DLGAP2: variants seen among roughly 807,000 people sequenced by gnomAD.
DLGAP2 encodes disks large-associated protein 2.
A neutral mutation model predicts 100.3 loss-of-function variants in DLGAP2; 26 were observed. The ratio of observed to expected loss-of-function variants is 0.26; its 90% CI spans 0.19 to 0.36. The LOEUF (loss-of-function observed/expected upper bound fraction) is 0.36, where lower values mean the gene tolerates loss of function less well. Among genes scored for constraint, DLGAP2 ranks in the 10% least tolerant of loss-of-function variants. The pLI is 1.00. For synonymous variants in DLGAP2, 886 were observed against 630.1 expected (o/e 1.41, Z -6.08); for missense variants, 1,858 against 1,453.2 (o/e 1.28, Z -4.53).
At chr8:918,121 T>G (rs2129000878) in intron 2 of DLGAP2, among the ~76,000 whole-genome samples, 1 of 152,250 alleles carries the variant, frequency 6.6e-6, no homozygotes, top group Admixed American at 6.5e-5. Context: ...TTTTGTGCCT[T>G]CCCCAGCTCT....
At chr8:1,037,541 A>G (rs1291523375) in intron 2 of DLGAP2, among the ~76,000 whole-genome samples, 1 of 151,956 alleles carries the variant, frequency 6.6e-6, no homozygotes, top group Non-Finnish European at 1.5e-5. Context: ...CAGCTGCATC[A>G]TCTGCTGTCC....
chr8:1,324,198 G>T (rs370641258), intron 3 of DLGAP2, among the ~76,000 whole-genome samples: 1 of 152,176 alleles, frequency 6.6e-6, no homozygotes, highest in African/African-American at 2.4e-5. Context: ...ACATGATTCA[G>T]TCTTTCCCAA....
chr8:791,642 A>G (rs1340761853), intron 1 of DLGAP2, among the ~76,000 whole-genome samples: 1 of 152,238 alleles, frequency 6.6e-6, no homozygotes, highest in African/African-American at 2.4e-5. Context: ...TTGATGTAAT[A>G]TGCCAAATCT....
At chr8:1,275,905 T>C (rs1466126143) in intron 3 of DLGAP2, among the ~76,000 whole-genome samples, 1 of 125,882 alleles carries the variant, frequency 7.9e-6, no homozygotes, top group Non-Finnish European at 1.6e-5. Flanking sequence ...TATAAATATA[T>C]ATAATATATA....
At chr8:1,554,568 C>G (rs1177406725) in intron 5 of DLGAP2, among the ~76,000 whole-genome samples, 2 of 152,160 alleles carry the variant, frequency 1.3e-5, no homozygotes, top group African/African-American at 2.4e-5. Context: ...TGCTGCCCAT[C>G]TGCCTCCTGA....
chr8:1,157,949 G>A (rs1796822504), intron 2 of DLGAP2, among the ~76,000 whole-genome samples: 1 of 152,192 alleles, frequency 6.6e-6, no homozygotes, highest in African/African-American at 2.4e-5. Flanking sequence ...TGTTCACTGT[G>A]CCTTCAAGAG....
chr8:1,585,556 C>T (rs889614248), intron 6 of DLGAP2, among the ~76,000 whole-genome samples: 6 of 152,210 alleles, frequency 3.9e-5, no homozygotes, highest in African/African-American at 9.6e-5. Context: ...CTGAAAAACA[C>T]ATAATCCACA....
chr8:1,668,392 C>A lies in DLGAP2; in HGVS notation c.1874C>A (p.Pro625His). 6.2e-7 allele frequency: 1 copy of A among 1,603,296 alleles called. No homozygotes were observed. Among genetic ancestry groups the A allele is most frequent in the Non-Finnish European group, 8.5e-7 (1 of 1,175,204 alleles). ...GTGCCCCCTCGGACCACCTCCAAGC[C>A]TCTGATCTCGGTGACGGCGCAGAGC... ...PPVPPRTTSK[P>H]LISVTAQSST... The change falls in exon 9 of 15, where the codon CCT (proline) becomes CAT (histidine). Residue 625 changes from proline (P) to histidine (H), a missense_variant. By Grantham distance (77) the Pro-to-His change is moderately conservative (BLOSUM62 -2). Coordinates refer to ENST00000637795, the MANE Select transcript of DLGAP2 (RefSeq NM_001346810.2).
chr8:1,226,923 G>A (rs569587083), intron 2 of DLGAP2, among the ~76,000 whole-genome samples: 2 of 151,780 alleles, frequency 1.3e-5, no homozygotes, highest in Non-Finnish European at 2.9e-5. Flanking sequence ...AAGTAGATTT[G>A]TGCAACAATT....
intron 3 of DLGAP2, among the ~76,000 whole-genome samples, chr8:1,268,604 T>C (rs1799514920): frequency 6.6e-6 from 1 of 152,204 alleles, no homozygotes; most frequent in South Asian, 2.1e-4. Flanking sequence ...GCTGATCTGC[T>C]GAGAGTCAAG....
chr8:1,070,614 A>G (rs1188722295), intron 2 of DLGAP2, among the ~76,000 whole-genome samples: 1 of 152,298 alleles, frequency 6.6e-6, no homozygotes, highest in East Asian at 1.9e-4. Context: ...TGCAGCTTTC[A>G]CATACATACG....
intron 6 of DLGAP2, among the ~76,000 whole-genome samples, chr8:1,616,801 CAT>C (rs1171752642): frequency 7.9e-3 from 1 of 126 alleles, no homozygotes; most frequent in Non-Finnish European, 0.019. Context: ...AAACTCACGT[CAT>C]GTGGGGTTTG....
chr8:1,487,210 C>T (rs1191817425), intron 3 of DLGAP2, among the ~76,000 whole-genome samples: 2 of 152,186 alleles, frequency 1.3e-5, no homozygotes, highest in East Asian at 1.9e-4. Context: ...TAATAGGAAA[C>T]CAGTTTCATC....
intron 6 of DLGAP2, among the ~76,000 whole-genome samples, chr8:1,619,189 A>T (rs1289759400): frequency 6.6e-6 from 1 of 152,262 alleles, no homozygotes; most frequent in South Asian, 2.1e-4. Flanking sequence ...CATAAAAGCC[A>T]AAAGGTTACT....
chr8:796,417 C>T (rs79175890), intron 1 of DLGAP2, among the ~76,000 whole-genome samples: 15,931 of 151,978 alleles, frequency 0.1, 1,307 homozygotes, highest in Admixed American at 0.25. Flanking sequence ...CCTGCGACTG[C>T]CTGGATGCTT....
At chr8:1,224,904 G>T (rs1798383900) in intron 2 of DLGAP2, among the ~76,000 whole-genome samples, 1 of 152,236 alleles carries the variant, frequency 6.6e-6, no homozygotes, top group African/African-American at 2.4e-5. Flanking sequence ...CATCTGCTAG[G>T]ATGGCTGTTG....
At chr8:1,608,202 C>T (rs1293186866) in intron 6 of DLGAP2, among the ~76,000 whole-genome samples, 266 of 113,948 alleles carry the variant, frequency 2.3e-3, no homozygotes, top group African/African-American at 6.2e-3. Context: ...TGAGAACGGG[C>T]GGACTGCCTC....
chr8:1,608,274 G>A (rs879309478), intron 6 of DLGAP2, among the ~76,000 whole-genome samples: 1,094 of 81,456 alleles, frequency 0.013, no homozygotes, highest in Middle Eastern at 0.018. Context: ...CCCCCAGCAG[G>A]GGCACACTGA....
At chr8:872,447 C>T (rs1302040692) in intron 1 of DLGAP2, among the ~76,000 whole-genome samples, 3 of 151,632 alleles carry the variant, frequency 2.0e-5, no homozygotes, top group Admixed American at 2.0e-4. Context: ...AACTGTCCTG[C>T]CTCAGCCTCC....
Sources: gnomAD v4.1 joint callset for allele counts (sites outside exome capture counted in the v4.1 genomes callset) on GRCh38, gnomAD v4.1.1 for gene constraint, MANE v1.5 for transcripts, NCBI Gene and HGNC (gene_info 2026-07-23, HGNC 2026-07-21) for gene names.